Variants in UTP20 observed in about 807,000 individuals in gnomAD.
UTP20 encodes the protein UTP20 small subunit processome component.
A neutral mutation model predicts 329.5 loss-of-function variants in UTP20; 164 were observed. That is an observed-to-expected ratio of 0.50 (90% CI 0.44 to 0.57). The LOEUF is 0.57. UTP20 is among the 20% of genes least tolerant of loss of function. The probability of loss-of-function intolerance (pLI) is 0.00; values close to 1 mark genes in which losing one functional copy is unlikely to be tolerated. For missense variants in UTP20, 3,055 were observed against 3,284.2 expected (o/e 0.93, Z 1.71); for synonymous variants, 1,151 against 1,159.3 (o/e 0.99, Z 0.14).
chr12:101,285,891 A>G lies in UTP20; in HGVS notation c.326+10A>G, dbSNP rs1309514865. On this transcript the variant is annotated intron_variant, in intron 4 of 61. Transcript: ENST00000261637. ...ATCAACCCCTTTTGGAGTAAGTAGC[A>G]TCTTGAGAGAAAGCTCACAACTATA... The G allele has an allele frequency of 6.2e-7, 1 of 1,611,750 alleles. No individual in the cohort carries two copies. Among genetic ancestry groups the G allele is most frequent in the South Asian group, 1.1e-5 (1 of 90,706 alleles).
At chr12:101,302,427 C>A in intron 14 of UTP20, 21 bp from the exon 15 acceptor site, 1 of 1,417,560 alleles carries the variant, frequency 7.1e-7, no homozygotes, top group African/African-American at 1.4e-5. Context: ...AATGTGGTTT[C>A]TCCTGTTTTT....
At chr12:101,289,951 T>G (rs182491785) in intron 6 of UTP20, 186 bp from the exon 7 acceptor site, 3 of 379,870 alleles carry the variant, frequency 7.9e-6, no homozygotes, top group African/African-American at 2.1e-5. Flanking sequence ...ATTCACTCTT[T>G]TGTGTGACAT....
Position 101,329,267 on chromosome 12 carries a change from G to A in UTP20, c.3235G>A (p.Ala1079Thr). The A allele has an allele frequency of 6.2e-7, 1 of 1,614,130 alleles. No homozygotes were observed. Among genetic ancestry groups the A allele is most frequent in the African/African-American group, 1.3e-5 (1 of 75,042 alleles). Reference protein sequence around the residue: ...NGECHSAVIQAVEDLDLSKVL... With the variant: ...NGECHSAVIQTVEDLDLSKVL... ...AGAGTGCCATTCTGCAGTCATTCAA[G>A]CAGTAGAAGACTTGGATTTGTCTAA... The change falls in exon 27 of 62, where the codon GCA (alanine) becomes ACA (threonine). Residue 1079 changes from alanine (A) to threonine (T), a missense_variant. By Grantham distance (58) the Ala-to-Thr change is moderately conservative. Coordinates refer to ENST00000261637, the MANE Select transcript of UTP20 (RefSeq NM_014503.3).
chr12:101,373,927 G>A (rs1870383973), intron 54 of UTP20, among the ~76,000 whole-genome samples, 160 bp downstream of exon 54: 1 of 152,194 alleles, frequency 6.6e-6, no homozygotes. Context: ...GTTTTCCAAA[G>A]TGTAAGAAGT....
chr12:101,300,282 T>A (rs1872485711), intron 14 of UTP20, among the ~76,000 whole-genome samples: 1 of 152,154 alleles, frequency 6.6e-6, no homozygotes, highest in Non-Finnish European at 1.5e-5. Flanking sequence ...AGGGGACATA[T>A]CAAAAGGATG....
intron 22 of UTP20, among the ~76,000 whole-genome samples, chr12:101,318,093 C>T (rs1432634926): frequency 6.6e-6 from 1 of 152,158 alleles, no homozygotes; most frequent in African/African-American, 2.4e-5. Context: ...CCACCTTCCC[C>T]ACCATCCTGT....
chr12:101,330,559 T>C (rs1868728335), intron 27 of UTP20, among the ~76,000 whole-genome samples: 3 of 152,288 alleles, frequency 2.0e-5, no homozygotes, highest in South Asian at 4.1e-4. Context: ...AGGCCAAGAA[T>C]GGAAGCAGAA....
chr12:101,385,913 T>TA, intron 61 of UTP20, 55 bp from the exon 62 acceptor site: 1 of 1,474,692 alleles, frequency 6.8e-7, no homozygotes, highest in East Asian at 2.4e-5. Context: ...ATTTGATTCT[T>TA]ATTGGTTTAA....
In UTP20 at chr12:101,342,476, C is replaced by G. The variant is rs887139548; in HGVS notation, c.4132C>G (p.Gln1378Glu). 3 of 1,610,824 alleles carry G rather than the reference C, an allele frequency of 1.9e-6. No individual in the cohort carries two copies. Among genetic ancestry groups the G allele is most frequent in the Non-Finnish European group, 2.5e-6 (3 of 1,179,118 alleles). The change falls in exon 33 of 62, where the codon CAA (glutamine) becomes GAA (glutamate). Residue 1378 changes from glutamine to glutamate, a missense_variant. Transcript: ENST00000261637. ...DTEVDILVTV[Q>E]NLLKHCVDPT... The stretch of plus-strand genomic sequence containing the variant: ...AGAGGTTGATATTCTGGTGACAGTA[C>G]AAAACTTGTTAAAGCATTGTGTGGA...
chr12:101,290,357 G>A (rs905351938), intron 7 of UTP20, 83 bp downstream of exon 7: 16 of 1,474,334 alleles, frequency 1.1e-5, no homozygotes, highest in Admixed American at 2.3e-5. Context: ...TGATGTGGAG[G>A]GAAGACAGCC....
intron 21 of UTP20, among the ~76,000 whole-genome samples, chr12:101,315,383 C>T (rs1238596486): frequency 6.6e-6 from 1 of 151,674 alleles, no homozygotes; most frequent in Non-Finnish European, 1.5e-5. Context: ...ACTCAGGAGG[C>T]TGAGGCAGAA....
At chr12:101,298,718 A>G (rs1872436254) in intron 12 of UTP20, among the ~76,000 whole-genome samples, 1 of 152,192 alleles carries the variant, frequency 6.6e-6, no homozygotes. Flanking sequence ...CATGATTATT[A>G]CTAAAAAGAC....
chr12:101,333,414 T>C lies in UTP20; in HGVS notation c.3531T>C (p.Asp1177=). 6.2e-7 allele frequency: 1 copy of C among 1,614,094 alleles called. No homozygotes were observed. Among genetic ancestry groups the C allele is most frequent in the Non-Finnish European group, 8.5e-7 (1 of 1,179,990 alleles). Reference sequence around the variant, plus strand: ...ATCAGTTTAGAACAGAAGAAATTGATGCTGTGTTTCATGGTGCAGTTTGGC... The same window carrying C: ...ATCAGTTTAGAACAGAAGAAATTGACGCTGTGTTTCATGGTGCAGTTTGGC... ...ESYQFRTEEI[D]AVFHGAVWPQ... The change falls in exon 28 of 62, where the codon GAT becomes GAC. Residue 1177 remains aspartate (D), a synonymous_variant. Coordinates refer to ENST00000261637, the MANE Select transcript of UTP20 (RefSeq NM_014503.3).
Position 101,379,513 on chromosome 12 carries a change from A to G in UTP20, c.7539A>G (p.Pro2513=). ...CCAAAAAGACCAAAAAACACCTCCC[A>G]GAACCTGTAGCAATCAAGTTCCTAG... ...WNTKKTKKHL[P]EPVAIKFLAS... Residue 2513 remains proline (P), a synonymous_variant, in exon 57 of 62, where the codon CCA becomes CCG. Transcript: ENST00000261637. 1 of 1,614,114 alleles carries G rather than the reference A, an allele frequency of 6.2e-7. No individual in the cohort carries two copies. The highest frequency in any genetic ancestry group is 2.2e-5 in the East Asian group (1 of 44,882).
rs971940253 is a variant in UTP20 at position 101,360,704 on chromosome 12, C to G, written c.5692-1258C>G. Among the ~76,000 whole-genome samples the G allele has an allele frequency of 6.6e-5, 10 of 152,220 alleles. No homozygotes were observed. In the East Asian group the frequency reaches 9.6e-4, roughly 15 times the overall value. On this transcript the variant is annotated intron_variant, in intron 43 of 61. Transcript: ENST00000261637. ...TAAAAATTGGCATGGTGGCACATGCCTGTAATCCCAGCTACTCGGGAGGCT... is the reference window on the plus strand; with the variant it reads ...TAAAAATTGGCATGGTGGCACATGCGTGTAATCCCAGCTACTCGGGAGGCT...
At chr12:101,343,368 C>CATT (rs1420289616) in intron 35 of UTP20, among the ~76,000 whole-genome samples, 2 of 152,090 alleles carry the variant, frequency 1.3e-5, no homozygotes, top group African/African-American at 4.8e-5. Flanking sequence ...AGATGAAGTA[C>CATT]ATTAGGTCAC....
intron 30 of UTP20, 149 bp from the exon 31 acceptor site, chr12:101,338,664 G>A (rs1469054718): frequency 7.2e-6 from 5 of 692,770 alleles, no homozygotes; most frequent in Non-Finnish European, 1.1e-5. Context: ...GAAGAAAGTT[G>A]TTTATTTAGA....
At chr12:101,343,237 T>C in intron 35 of UTP20, 144 bp downstream of exon 35, 1 of 548,054 alleles carries the variant, frequency 1.8e-6, no homozygotes, top group Non-Finnish European at 3.1e-6. Context: ...TGAAGAATCT[T>C]ATGTCTGGCA....
chr12:101,325,386 A>T (rs1182949999), intron 25 of UTP20, among the ~76,000 whole-genome samples: 5 of 152,190 alleles, frequency 3.3e-5, no homozygotes, highest in African/African-American at 1.2e-4. Context: ...AAAGTTTTTT[A>T]TGCTACTACT....
Sources: gnomAD v4.1 joint callset for allele counts (sites outside exome capture counted in the v4.1 genomes callset) on GRCh38, gnomAD v4.1.1 for gene constraint, MANE v1.5 for transcripts, NCBI Gene and HGNC (gene_info 2026-07-23, HGNC 2026-07-21) for gene names.